Variants in RGPD2 observed in about 807,000 individuals in gnomAD.
RGPD2 encodes the protein RANBP2 like and GRIP domain containing 2.
A neutral mutation model predicts 36.0 loss-of-function variants in RGPD2; 2 were observed. The observed-to-expected ratio is 0.06, with a 90% confidence interval of 0.02 to 0.17. The LOEUF is 0.17. RGPD2 is among the 10% of genes least tolerant of loss of function. RGPD2 has a pLI of 1.00. For missense variants in RGPD2, 40 were observed against 464.3 expected (o/e 0.09, Z 8.40); for synonymous variants, 19 against 163.8 (o/e 0.12, Z 6.75).
the RGPD2 span, among the ~76,000 whole-genome samples, chr2:87,961,352 A>G: frequency 6.6e-6 from 1 of 152,034 alleles, no homozygotes; most frequent in East Asian, 1.9e-4. Context: ...ATCCTTGGCG[A>G]CGTCGGCGCT....
chr2:87,884,928 A>G, the RGPD2 span, among the ~76,000 whole-genome samples: 3 of 152,310 alleles, frequency 2.0e-5, no homozygotes, highest in South Asian at 6.2e-4. Context: ...GTACTTCCAA[A>G]CTAACTTTAC....
chr2:87,876,210 C>A, the RGPD2 span, among the ~76,000 whole-genome samples: 2 of 113,708 alleles, frequency 1.8e-5, no homozygotes, highest in Non-Finnish European at 3.5e-5. Context: ...TTTTTTATGT[C>A]CCCATCTCCT....
chr2:87,952,805 C>T, the RGPD2 span, among the ~76,000 whole-genome samples: 3 of 151,830 alleles, frequency 2.0e-5, no homozygotes, highest in Admixed American at 2.0e-4. Flanking sequence ...AAAGAACTTC[C>T]AAGTCTTTGT....
At chr2:87,891,364 C>CA in the RGPD2 span, among the ~76,000 whole-genome samples, 3 of 151,472 alleles carry the variant, frequency 2.0e-5, no homozygotes, top group African/African-American at 7.3e-5. Flanking sequence ...TCTGCAGTAC[C>CA]AAAAAAATCT....
chr2:87,921,092 T>C, the RGPD2 span, among the ~76,000 whole-genome samples: 1 of 150,068 alleles, frequency 6.7e-6, no homozygotes. Flanking sequence ...CAAAAGAGTT[T>C]GGAAGTAAGG....
chr2:87,824,712 G>A (rs1292254161), intron 1 of RGPD2, among the ~76,000 whole-genome samples: 1 of 120,762 alleles, frequency 8.3e-6, no homozygotes, highest in African/African-American at 2.7e-5. Context: ...GGCCGAGGCC[G>A]AGGCCGCCGC....
chr2:87,976,229 T>A, the RGPD2 span, among the ~76,000 whole-genome samples: 2 of 151,796 alleles, frequency 1.3e-5, no homozygotes, highest in East Asian at 1.9e-4. Context: ...CACCAGATAT[T>A]GTGTGGAGCA....
chr2:87,973,305 C>T, the RGPD2 span, among the ~76,000 whole-genome samples: 1 of 138,286 alleles, frequency 7.2e-6, no homozygotes, highest in South Asian at 2.4e-4. Flanking sequence ...CTGGCGACTC[C>T]GGTATTAAGC....
chr2:87,809,321 G>A (rs1686068299), intron 6 of RGPD2, among the ~76,000 whole-genome samples: 8 of 150,034 alleles, frequency 5.3e-5, no homozygotes, highest in South Asian at 4.3e-4. Flanking sequence ...AAAAAAGATC[G>A]AGACCATCCT....
chr2:87,832,091 T>C, the RGPD2 span, among the ~76,000 whole-genome samples: 1 of 147,006 alleles, frequency 6.8e-6, no homozygotes, highest in East Asian at 2.0e-4. Context: ...TTAGTACTAC[T>C]AAAAAATGGT....
intron 22 of RGPD2, among the ~76,000 whole-genome samples, chr2:87,769,426 T>C (rs1278420612): frequency 1.3e-5 from 2 of 151,376 alleles, no homozygotes; most frequent in East Asian, 2.0e-4. Flanking sequence ...TGTGTTTTCC[T>C]GTCTGTTTAC....
At chr2:87,864,620 AGATACATAGAT>A in the RGPD2 span, among the ~76,000 whole-genome samples, 3,205 of 21,336 alleles carry the variant, frequency 0.15, no homozygotes, top group East Asian at 0.33. Context: ...ATAGATAGAT[AGATACATAGAT>A]GATAGATAGT....
chr2:87,878,817 A>G, the RGPD2 span, among the ~76,000 whole-genome samples: 1 of 152,228 alleles, frequency 6.6e-6, no homozygotes, highest in Admixed American at 6.5e-5. Flanking sequence ...TTTCATATAT[A>G]AGAGATATTA....
the RGPD2 span, among the ~76,000 whole-genome samples, chr2:87,959,194 T>A: frequency 1.2e-5 from 1 of 84,822 alleles, no homozygotes; most frequent in African/African-American, 3.8e-5. Context: ...TTTTGTAGTG[T>A]TCACCACTGA....
chr2:87,845,535 G>GC, the RGPD2 span, among the ~76,000 whole-genome samples: 9 of 148,708 alleles, frequency 6.1e-5, no homozygotes, highest in African/African-American at 2.2e-4. Context: ...AGTTTGATTT[G>GC]CTAGGGGGGG....
the RGPD2 span, among the ~76,000 whole-genome samples, chr2:87,984,034 T>C: frequency 6.7e-6 from 1 of 149,372 alleles, no homozygotes; most frequent in African/African-American, 2.4e-5. Context: ...TCAAACAGGA[T>C]TACTTTGGCC....
chr2:87,825,919 T>C, upstream of RGPD2: 1 of 673,454 alleles, frequency 1.5e-6, no homozygotes, highest in South Asian at 1.9e-5. Context: ...TCGGCCGGGC[T>C]CTTGGCAGCA....
the RGPD2 span, among the ~76,000 whole-genome samples, chr2:87,870,571 C>T: frequency 6.6e-6 from 1 of 152,130 alleles, no homozygotes; most frequent in Non-Finnish European, 1.5e-5. Flanking sequence ...AAAAGCCTAG[C>T]CCTCTGTGGT....
chr2:87,979,052 G>A, the RGPD2 span, among the ~76,000 whole-genome samples: 2 of 148,832 alleles, frequency 1.3e-5, no homozygotes, highest in Non-Finnish European at 3.0e-5. Context: ...TGGCCAACAT[G>A]GCAAAATCCA....
Sources: gnomAD v4.1 joint callset for allele counts (sites outside exome capture counted in the v4.1 genomes callset) on GRCh38, gnomAD v4.1.1 for gene constraint, MANE v1.5 for transcripts, NCBI Gene and HGNC (gene_info 2026-07-23, HGNC 2026-07-21) for gene names.